The following MFGE8 variants were observed in gnomAD, a reference collection of about 807,000 sequenced individuals.
MFGE8 encodes the protein lactadherin.
In MFGE8, 34 loss-of-function variants were observed where a neutral mutation model predicts 42.6. The ratio of observed to expected loss-of-function variants is 0.80; its 90% CI spans 0.61 to 1.06. The LOEUF is 1.06. Ranked by LOEUF, MFGE8 falls within the 50% of genes least tolerant of loss-of-function variation. The pLI is 0.00. For missense variants in MFGE8, 510 were observed against 516.9 expected, an observed-to-expected ratio of 0.99 and a Z score of 0.13; for synonymous variants, 230 against 214.8, an observed-to-expected ratio of 1.07 and a Z score of -0.62.
chr15:88,900,596 G>C (rs2141690642), intron 6 of MFGE8: 1 of 509,946 alleles, frequency 2.0e-6, no homozygotes, highest in South Asian at 8.6e-5. Context: ...CCTCCCTGGA[G>C]AACCTGCCAG....
At chr15:88,908,903 C>T (rs73468185) in intron 2 of MFGE8, among the ~76,000 whole-genome samples, 1 of 152,206 alleles carries the variant, frequency 6.6e-6, no homozygotes, top group Non-Finnish European at 1.5e-5. Context: ...CCCCCCGCCC[C>T]CTCCTTCTGG....
chr15:88,913,091 C>T, intron 1 of MFGE8, 156 bp downstream of exon 1: 4 of 985,460 alleles, frequency 4.1e-6, no homozygotes, highest in Non-Finnish European at 4.8e-6. Context: ...CCTGTCCCGC[C>T]AGGGCGCAGC....
chr15:88,909,821 T>C lies in MFGE8; in HGVS notation c.176A>G (p.Lys59Arg). ...VFPSYTCTCLKGYAGNHCETK... is the reference protein window; with the variant it reads ...VFPSYTCTCLRGYAGNHCETK... ...CTCACAGTGGTTGCCCGCGTAGCCC[T>C]TAAGGCACGTGCAGGTGTACGAGGG... Residue 59 changes from lysine to arginine, a missense_variant, in exon 2 of 8, where the codon AAG (lysine) becomes AGG (arginine). Coordinates refer to ENST00000268150, the MANE Select transcript of MFGE8 (RefSeq NM_005928.4). 1 of 1,614,194 alleles carries C rather than the reference T, an allele frequency of 6.2e-7. No homozygotes were observed.
At chr15:88,909,074 C>T (rs1464066407) in intron 2 of MFGE8, among the ~76,000 whole-genome samples, 1 of 152,220 alleles carries the variant, frequency 6.6e-6, no homozygotes, top group Non-Finnish European at 1.5e-5. Context: ...ACCCGCCTGC[C>T]CCATGAGGAG....
At chr15:88,908,763 A>T (rs1898818003) in intron 2 of MFGE8, among the ~76,000 whole-genome samples, 1 of 152,152 alleles carries the variant, frequency 6.6e-6, no homozygotes, top group Admixed American at 6.5e-5. Flanking sequence ...TTCCACCAGG[A>T]TCTCAAACAC....
At position 88,907,352 on chromosome 15, in the gene MFGE8, T is replaced by C. The variant is rs769138722; in HGVS notation, c.230A>G (p.Glu77Gly). Residue 77 changes from glutamate (E) to glycine (G), a missense_variant, in exon 3 of 8, where the codon GAG becomes GGG. Coordinates refer to ENST00000268150, the MANE Select transcript of MFGE8 (RefSeq NM_005928.4). ...ETKCVEPLGLENGNIANSQIA... is the reference protein window; with the variant it reads ...ETKCVEPLGLGNGNIANSQIA... ...CTGTGAGTTGGCAATGTTCCCATTC[T>C]CCAGGCCCAGTGGCTCGACACATTC... 6.2e-7 allele frequency: 1 copy of C among 1,614,162 alleles called. No individual in the cohort carries two copies.
In MFGE8 at chr15:88,906,635, T is replaced by A; in HGVS notation, c.531A>T (p.Lys177Asn). 1 of 1,614,032 alleles carries A rather than the reference T, an allele frequency of 6.2e-7. No homozygotes were observed. Among genetic ancestry groups the A allele is most frequent in the Non-Finnish European group, 8.5e-7 (1 of 1,179,978 alleles). The change falls in exon 4 of 8, where the codon AAA (lysine) becomes AAT (asparagine). Residue 177 changes from lysine to asparagine, a missense_variant. By Grantham distance (94) the Lys-to-Asn change is moderately conservative (BLOSUM62 0). Transcript: ENST00000268150. This position sits in a 1 kb window ranked among gnomAD's most constrained non-coding sequence, Gnocchi z 4.2. ...HEFDFIHDVN[K>N]KHKEFVGNWN... Reference sequence around the variant, plus strand: ...CCCCAACAAGACCTACCTTGTGTTTTTTATTAACATCATGGATGAAATCGA... The same window carrying A: ...CCCCAACAAGACCTACCTTGTGTTTATTATTAACATCATGGATGAAATCGA...
In MFGE8 at chr15:88,910,421, C is replaced by T. The variant is rs1898902920; in HGVS notation, c.74-498G>A. On this transcript the variant is annotated intron_variant, in intron 1 of 7. Coordinates refer to ENST00000268150, the MANE Select transcript of MFGE8 (RefSeq NM_005928.4). Reference sequence around the variant, plus strand: ...CACAGATGTCACCTCCAATGGCAGCCCTGACTCAGGAACAGCACGATGATC... The same window carrying T: ...CACAGATGTCACCTCCAATGGCAGCTCTGACTCAGGAACAGCACGATGATC... The T allele has an allele frequency of 1.7e-5, 4 of 242,158 alleles. No individual in the cohort carries two copies. The South Asian group carries it at 2.4e-4, about 14-fold the overall frequency. 15.0% of individuals were successfully genotyped at this position (242,158 alleles called of 1,614,324 possible).
intron 1 of MFGE8, chr15:88,912,606 G>C: frequency 1.0e-6 from 1 of 985,380 alleles, no homozygotes. Flanking sequence ...GACCGGGGAA[G>C]ATACAGCAGC....
chr15:88,913,290 C>G lies in MFGE8; in HGVS notation c.30G>C (p.Leu10=), dbSNP rs1465959901. 8.8e-6 allele frequency: 13 copies of G among 1,476,920 alleles called. No individual in the cohort carries two copies. The Admixed American group carries it at 3.2e-4, about 36-fold the overall frequency. The allele number at this position is 1,476,920 out of a possible 1,614,324, so 91.5% of individuals were successfully genotyped here. ...TGGGGGCGCAGAGCAGCGCGCCGCA[C>G]AGCGCGGCCAGCAGGCGGGGGCGCG... MPRPRLLAA[L]CGALLCAPSL... is the part of the protein sequence containing the mutation. The change falls in exon 1 of 8, where the codon CTG becomes CTC. Residue 10 remains leucine (L), a synonymous_variant. Transcript: ENST00000268150.
In MFGE8 at chr15:88,906,918, G is replaced by A; in HGVS notation, c.388-140C>T. On this transcript the variant is annotated intron_variant, in intron 3 of 7. Transcript: ENST00000268150. The surrounding 1 kb of genome is among the most constrained non-coding windows in gnomAD (Gnocchi z 4.2). ...CAGAGGAGGGGTAGCTGAGCACACT[G>A]CCCGCACAAAGGGCTTTCTTCTTCT... is the stretch of plus-strand genomic sequence containing the variant. 1 of 1,116,832 alleles carries A rather than the reference G, an allele frequency of 9.0e-7. No homozygotes were observed. The allele number at this position is 1,116,832 out of a possible 1,614,324, so 69.2% of individuals were successfully genotyped here.
rs1327076766 is a variant in MFGE8, at chr15:88,901,136, TTCACACACACATTCTC to T, written c.870+399_870+414del. On this transcript the variant is annotated intron_variant, in intron 6 of 7. Coordinates refer to ENST00000268150, the MANE Select transcript of MFGE8 (RefSeq NM_005928.4). ...ACACATACACATTCACACACACACATTCACACACACATTCTCACACACACATTCACACACATTCTCA... is the reference window on the plus strand; with the variant it reads ...ACACATACACATTCACACACACACATACACACACATTCACACACATTCTCA... Among the ~76,000 whole-genome samples, 53 of 69,140 alleles carry T rather than the reference TTCACACACACATTCTC, an allele frequency of 7.7e-4. No homozygotes were observed. The South Asian group carries it at 8.1e-3, about 11-fold the overall frequency. 45.4% of individuals were successfully genotyped at this position (69,140 alleles called of 152,430 possible).
intron 5 of MFGE8, 144 bp from the exon 6 acceptor site, chr15:88,901,879 C>A: frequency 2.5e-6 from 2 of 791,390 alleles, no homozygotes; most frequent in Non-Finnish European, 4.3e-6. Flanking sequence ...CTCCATCCGC[C>A]TTGCAGGGCC....
rs1053570035 is a variant in MFGE8 at position 88,913,239 on chromosome 15, C to T, written c.73+8G>A. On this transcript the variant is annotated splice_region_variant and intron_variant, in intron 1 of 7. Transcript: ENST00000268150. ...GGCGAGGGGCAGAGGGCGGCGCGAT[C>T]CACTCACCCAGGGCGACGAGGAGGC... 1 of 1,502,960 alleles carries T rather than the reference C, an allele frequency of 6.7e-7. No homozygotes were observed. Among genetic ancestry groups the T allele is most frequent in the East Asian group, 2.7e-5 (1 of 36,548 alleles). 93.1% of individuals were successfully genotyped at this position (1,502,960 alleles called of 1,614,324 possible).
rs1898243097 is a variant in MFGE8, at chr15:88,899,198, G to A, written c.*197C>T. The A allele has an allele frequency of 2.9e-6, 2 of 697,210 alleles. No homozygotes were observed. The highest frequency in any genetic ancestry group is 4.9e-6 in the Non-Finnish European group (2 of 412,122). 43.2% of individuals were successfully genotyped at this position (697,210 alleles called of 1,614,324 possible). On this transcript the variant is annotated 3_prime_UTR_variant, in exon 8 of 8. Transcript: ENST00000268150. The surrounding 1 kb of genome is among the most constrained non-coding windows in gnomAD (Gnocchi z 6.8). ...AGTGAGGACTGGGGGTTAGGGGACG[G>A]GGCTTAGGGGCTGGGGCAGGGCCCG...
At chr15:88,910,046 T>C (rs1201717715) in intron 1 of MFGE8, 123 bp from the exon 2 acceptor site, 2 of 1,233,482 alleles carry the variant, frequency 1.6e-6, no homozygotes, top group Admixed American at 1.7e-5. Flanking sequence ...TATCTCTTCC[T>C]CTCCCTCTTC....
At chr15:88,912,459 AATG>A in intron 1 of MFGE8, 1 of 985,340 alleles carries the variant, frequency 1.0e-6, no homozygotes, top group South Asian at 4.7e-5. Context: ...TCTATGAGAA[AATG>A]ATGGAGGGGC....
chr15:88,906,547 CG>C lies in MFGE8; in HGVS notation c.540+78del, dbSNP rs1567021934. On this transcript the variant is annotated intron_variant, in intron 4 of 7. Coordinates refer to ENST00000268150, the MANE Select transcript of MFGE8 (RefSeq NM_005928.4). This position sits in a 1 kb window ranked among gnomAD's most constrained non-coding sequence, Gnocchi z 4.2. ...CCAATCACCTAGGGTTCTCTGGACT[CG>C]CTGGGGGTCCTCAGTCAATGCTAGA... 16 of 1,556,146 alleles carry C rather than the reference CG, an allele frequency of 1.0e-5. No individual in the cohort carries two copies. The highest frequency in any genetic ancestry group is 1.2e-5 in the Non-Finnish European group (14 of 1,128,598).
rs774118197 is a variant in MFGE8, at chr15:88,901,572, G to A, written c.849C>T (p.Tyr283=). 20 of 1,379,548 alleles carry A rather than the reference G, an allele frequency of 1.4e-5. No homozygotes were observed. The highest frequency in any genetic ancestry group is 2.1e-4 in the Middle Eastern group (1 of 4,872). 85.5% of individuals were successfully genotyped at this position (1,379,548 alleles called of 1,614,324 possible). The change falls in exon 6 of 8, where the codon TAC becomes TAT. Residue 283 remains tyrosine (Y), a synonymous_variant. Coordinates refer to ENST00000268150, the MANE Select transcript of MFGE8 (RefSeq NM_005928.4). ...GNFNAWVAGS[Y]GNDQWLQVDL... is the part of the protein sequence containing the mutation. ...CCACCTGCAGCCACTGATCGTTACC[G>A]TAGCTCCCCGCAACCCAGGCGTTGA...
Sources: gnomAD v4.1 joint callset for allele counts (sites outside exome capture counted in the v4.1 genomes callset) on GRCh38, gnomAD v4.1.1 for gene constraint, Gnocchi (gnomAD v3.1) non-coding constraint, MANE v1.5 for transcripts, NCBI Gene and HGNC (gene_info 2026-07-23, HGNC 2026-07-21) for gene names.